Variants in PLCB1 observed in about 807,000 individuals in gnomAD.
PLCB1 encodes phospholipase C beta 1.
In PLCB1, 46 loss-of-function variants were observed where a neutral mutation model predicts 161.8. The ratio of observed to expected loss-of-function variants is 0.28; its 90% CI spans 0.22 to 0.36. PLCB1 has a LOEUF of 0.36. Ranked by LOEUF, PLCB1 falls within the 10% of genes least tolerant of loss-of-function variation. PLCB1 has a pLI of 1.00. For synonymous variants in PLCB1, 517 were observed against 503.7 expected, an observed-to-expected ratio of 1.03 and a Z score of -0.35; for missense variants, 1,016 against 1,472.5, an observed-to-expected ratio of 0.69 and a Z score of 5.07.
In PLCB1 at chr20:8,781,755, G is replaced by A. The variant is rs965263299; in HGVS notation, c.3112-6694G>A. ...CAGAAAGCAAGGAGGAGCAAGTCAC[G>A]TCTGACGTGGATGGCGGCAGGCAAA... On this transcript the variant is annotated intron_variant, in intron 27 of 31. Transcript: ENST00000338037. Among the ~76,000 whole-genome samples, 9 of 152,108 alleles carry A rather than the reference G, an allele frequency of 5.9e-5. No homozygotes were observed. In the South Asian group the frequency reaches 6.2e-4, roughly 11 times the overall value.
intron 31 of PLCB1, among the ~76,000 whole-genome samples, chr20:8,875,898 C>T (rs1445814330): frequency 9.4e-6 from 1 of 106,792 alleles, no homozygotes; most frequent in East Asian, 4.2e-4. Flanking sequence ...TGCTCCTTGG[C>T]CTTCACTTAT....
At chr20:8,644,345 G>C (rs1433516208) in intron 4 of PLCB1, among the ~76,000 whole-genome samples, 1 of 150,276 alleles carries the variant, frequency 6.7e-6, no homozygotes, top group Admixed American at 6.6e-5. Context: ...CATCTAGGAA[G>C]TGAGGAGCGC....
chr20:8,577,020 A>G (rs555997880), intron 3 of PLCB1, among the ~76,000 whole-genome samples: 2 of 152,296 alleles, frequency 1.3e-5, no homozygotes, highest in East Asian at 3.9e-4. Flanking sequence ...GGAGTAGAGA[A>G]CCTCAAGAGA....
At chr20:8,524,531 G>A (rs1039288578) in intron 3 of PLCB1, among the ~76,000 whole-genome samples, 1 of 152,084 alleles carries the variant, frequency 6.6e-6, no homozygotes, top group African/African-American at 2.4e-5. Context: ...GTCATGTTTG[G>A]CCAACAGTAT....
At chr20:8,339,506 C>G (rs754643348) in intron 2 of PLCB1, among the ~76,000 whole-genome samples, 3 of 152,226 alleles carry the variant, frequency 2.0e-5, no homozygotes, top group Non-Finnish European at 4.4e-5. Flanking sequence ...GCCTGACAAC[C>G]TTCCATTAAA....
intron 10 of PLCB1, among the ~76,000 whole-genome samples, chr20:8,697,240 A>G (rs1049981415): frequency 1.3e-5 from 2 of 152,168 alleles, no homozygotes; most frequent in Non-Finnish European, 2.9e-5. Context: ...AGCATTGGAA[A>G]CTTGGGCAAC....
At chr20:8,396,072 A>G (rs1239185072) in intron 3 of PLCB1, among the ~76,000 whole-genome samples, 1 of 152,120 alleles carries the variant, frequency 6.6e-6, no homozygotes, top group Admixed American at 6.6e-5. Flanking sequence ...GAGAAACTAC[A>G]AAGTTGTAAC....
chr20:8,295,478 C>G (rs566930000), intron 2 of PLCB1, among the ~76,000 whole-genome samples: 3 of 152,134 alleles, frequency 2.0e-5, no homozygotes, highest in African/African-American at 7.2e-5. Context: ...GGGCAAAAAT[C>G]TTATTTCAGT....
At chr20:8,703,594 G>A (rs1048620614) in intron 11 of PLCB1, among the ~76,000 whole-genome samples, 1 of 152,182 alleles carries the variant, frequency 6.6e-6, no homozygotes, top group South Asian at 2.1e-4. Context: ...AACAGCAGAT[G>A]AGCTTGGATG....
intron 3 of PLCB1, among the ~76,000 whole-genome samples, chr20:8,372,445 G>A (rs929466824): frequency 6.6e-6 from 1 of 152,018 alleles, no homozygotes; most frequent in African/African-American, 2.4e-5. Flanking sequence ...ACGGCTGCTG[G>A]GTTTTTTAAT....
intron 2 of PLCB1, among the ~76,000 whole-genome samples, chr20:8,213,373 T>A (rs1288810934): frequency 6.6e-6 from 1 of 152,108 alleles, no homozygotes; most frequent in African/African-American, 2.4e-5. Context: ...TGGGAAGTGA[T>A]CTTAGCTCCA....
rs534604589 is a variant in PLCB1, at chr20:8,455,601, C to T, written c.246+84151C>T. On this transcript the variant is annotated intron_variant, in intron 3 of 31. Coordinates refer to ENST00000338037, the MANE Select transcript of PLCB1 (RefSeq NM_015192.4). ...GACTACCGGCACCCGCCACCACGCC[C>T]GGCTAATTTTTTGTATTTTTAGTAG... Among the ~76,000 whole-genome samples the T allele has an allele frequency of 2.7e-3, 414 of 151,722 alleles. 1 individual carries two copies. Among genetic ancestry groups the T allele is most frequent in the African/African-American group, 9.1e-3 (378 of 41,426 alleles).
chr20:8,595,477 C>T (rs1217019672), intron 3 of PLCB1, among the ~76,000 whole-genome samples: 1 of 116,062 alleles, frequency 8.6e-6, no homozygotes, highest in Non-Finnish European at 1.8e-5. Flanking sequence ...ATATGTGCCA[C>T]ATTTTCTTAA....
At chr20:8,563,916 C>T (rs539219703) in intron 3 of PLCB1, among the ~76,000 whole-genome samples, 7 of 152,258 alleles carry the variant, frequency 4.6e-5, no homozygotes, top group Admixed American at 1.3e-4. Context: ...AATGGCCATA[C>T]TGCCCAAAGT....
chr20:8,486,517 C>A, intron 3 of PLCB1, among the ~76,000 whole-genome samples: 1 of 116,136 alleles, frequency 8.6e-6, no homozygotes, highest in East Asian at 2.5e-4. Flanking sequence ...TAGACGGAGT[C>A]TCGCTCTGTC....
intron 9 of PLCB1, among the ~76,000 whole-genome samples, chr20:8,664,299 A>T (rs1012076049): frequency 6.6e-6 from 1 of 152,058 alleles, no homozygotes; most frequent in African/African-American, 2.4e-5. Flanking sequence ...AGTGATCACT[A>T]CTCGCTGAGT....
intron 2 of PLCB1, among the ~76,000 whole-genome samples, chr20:8,302,357 T>C (rs969616596): frequency 6.6e-6 from 1 of 152,212 alleles, no homozygotes; most frequent in Non-Finnish European, 1.5e-5. Context: ...TACTTCTCTT[T>C]CATGATAGCA....
At chr20:8,809,254 C>T (rs1036374780) in intron 31 of PLCB1, among the ~76,000 whole-genome samples, 8 of 152,092 alleles carry the variant, frequency 5.3e-5, no homozygotes, top group South Asian at 2.1e-4. Context: ...GCGATCGTCC[C>T]GCCTCAGCCT....
chr20:8,280,398 A>G (rs1982817422), intron 2 of PLCB1, among the ~76,000 whole-genome samples: 1 of 152,104 alleles, frequency 6.6e-6, no homozygotes, highest in Non-Finnish European at 1.5e-5. Flanking sequence ...GAGGTTGGTA[A>G]TACAAGAACT....
Sources: allele counts gnomAD v4.1 joint callset (sites outside exome capture counted in the v4.1 genomes callset), GRCh38; gene constraint gnomAD v4.1.1; transcripts MANE v1.5; gene names NCBI Gene and HGNC (gene_info 2026-07-23, HGNC 2026-07-21).